The following SCAPER variants were observed in gnomAD, a reference collection of about 807,000 sequenced individuals.
The protein encoded by SCAPER is S-phase cyclin A associated protein in the ER.
SCAPER carries 98 observed loss-of-function variants against 182.2 expected under a neutral mutation model. The ratio of observed to expected loss-of-function variants is 0.54; its 90% CI spans 0.46 to 0.64. The LOEUF (loss-of-function observed/expected upper bound fraction) is 0.64, where lower values mean the gene tolerates loss of function less well. Ranked by LOEUF, SCAPER falls within the 30% of genes least tolerant of loss-of-function variation. SCAPER has a pLI of 0.00. For missense variants in SCAPER, 1,432 were observed against 1,690.0 expected, an observed-to-expected ratio of 0.85 and a Z score of 2.68; for synonymous variants, 605 against 564.6, an observed-to-expected ratio of 1.07 and a Z score of -1.01.
chr15:76,772,052 GAA>G, intron 9 of SCAPER, 98 bp from the exon 10 acceptor site: 1 of 648,094 alleles, frequency 1.5e-6, no homozygotes, highest in Non-Finnish European at 2.3e-6. Flanking sequence ...TAACTATGAA[GAA>G]GAAGAGGTAC....
chr15:76,826,107 G>A (rs979731218), intron 5 of SCAPER, among the ~76,000 whole-genome samples: 3 of 152,010 alleles, frequency 2.0e-5, no homozygotes, highest in Admixed American at 6.6e-5. Flanking sequence ...ATTTCAAATA[G>A]TTAAAAAAAT....
intron 22 of SCAPER, among the ~76,000 whole-genome samples, chr15:76,620,871 G>C (rs1175006438): frequency 6.6e-6 from 1 of 152,108 alleles, no homozygotes; most frequent in East Asian, 1.9e-4. Context: ...CAAGAGGAGG[G>C]AGAGCATCAA....
chr15:76,756,243 C>CAAAAAAAAAA (rs34158299), intron 14 of SCAPER, among the ~76,000 whole-genome samples: 2 of 66,000 alleles, frequency 3.0e-5, no homozygotes, highest in Admixed American at 1.6e-4. Context: ...GACTCCGTCT[C>CAAAAAAAAAA]AAAAAAAAAA....
At chr15:76,803,680 T>A (rs1382814121) in intron 6 of SCAPER, among the ~76,000 whole-genome samples, 1 of 152,214 alleles carries the variant, frequency 6.6e-6, no homozygotes, top group Non-Finnish European at 1.5e-5. Context: ...TGTCTTCACA[T>A]GGTGGAGGGG....
At chr15:76,503,883 T>C (rs1050431905) in intron 24 of SCAPER, among the ~76,000 whole-genome samples, 3 of 152,118 alleles carry the variant, frequency 2.0e-5, no homozygotes, top group Admixed American at 6.5e-5. Context: ...ATGAAGCATT[T>C]ACTTTTTTTT....
chr15:76,520,064 C>T (rs559667610), intron 23 of SCAPER, among the ~76,000 whole-genome samples: 2 of 152,140 alleles, frequency 1.3e-5, no homozygotes, highest in Non-Finnish European at 2.9e-5. Flanking sequence ...ATGTTACTTC[C>T]TCAAAGGGGC....
At chr15:76,602,700 A>G (rs1305871017) in intron 22 of SCAPER, among the ~76,000 whole-genome samples, 1 of 120,014 alleles carries the variant, frequency 8.3e-6, no homozygotes, top group African/African-American at 2.5e-5. Context: ...TGGTATCCCA[A>G]TTACATGTAC....
At chr15:76,781,099 G>A (rs779803965) in intron 8 of SCAPER, among the ~76,000 whole-genome samples, 48 of 152,246 alleles carry the variant, frequency 3.2e-4, no homozygotes, top group Admixed American at 1.0e-3. Flanking sequence ...CAAACTAAAG[G>A]AGCATGTTCT....
At chr15:76,577,616 C>T (rs1328579488) in intron 22 of SCAPER, among the ~76,000 whole-genome samples, 1 of 152,054 alleles carries the variant, frequency 6.6e-6, no homozygotes, top group Non-Finnish European at 1.5e-5. Flanking sequence ...GAATGGGCTA[C>T]CTTAAAGGGA....
intron 26 of SCAPER, among the ~76,000 whole-genome samples, chr15:76,421,338 T>C (rs1160606117): frequency 2.0e-5 from 3 of 152,228 alleles, no homozygotes; most frequent in African/African-American, 2.4e-5. Context: ...TGGTATCTCA[T>C]TGTGGTTTTG....
intron 5 of SCAPER, among the ~76,000 whole-genome samples, chr15:76,831,282 C>T (rs2068450884): frequency 1.3e-5 from 2 of 152,094 alleles, no homozygotes; most frequent in Non-Finnish European, 2.9e-5. Context: ...CTCCCATTTG[C>T]TGGCCTCTTT....
chr15:76,409,511 G>A (rs1222569140), intron 26 of SCAPER, among the ~76,000 whole-genome samples: 2 of 151,968 alleles, frequency 1.3e-5, no homozygotes, highest in Non-Finnish European at 2.9e-5. Context: ...GTGTGTGTGT[G>A]TGTGTGTATA....
intron 22 of SCAPER, among the ~76,000 whole-genome samples, chr15:76,620,466 T>C (rs940378670): frequency 5.9e-5 from 9 of 152,236 alleles, no homozygotes; most frequent in Non-Finnish European, 1.3e-4. Flanking sequence ...CTAATCTTGA[T>C]AATTTTCTTA....
At chr15:76,708,770 G>T (rs2059405071) in intron 17 of SCAPER, among the ~76,000 whole-genome samples, 1 of 152,092 alleles carries the variant, frequency 6.6e-6, no homozygotes, top group African/African-American at 2.4e-5. Context: ...CCAAAATTAA[G>T]AATGAAAAGA....
chr15:76,719,522 T>G (rs1170883648), intron 17 of SCAPER, among the ~76,000 whole-genome samples: 1 of 152,112 alleles, frequency 6.6e-6, no homozygotes, highest in Non-Finnish European at 1.5e-5. Context: ...TACTGGGATT[T>G]GTGATAAATG....
At chr15:76,512,008 G>A (rs1334930907) in intron 23 of SCAPER, among the ~76,000 whole-genome samples, 5 of 151,098 alleles carry the variant, frequency 3.3e-5, no homozygotes, top group Admixed American at 1.3e-4. Flanking sequence ...TCAGCCTCCC[G>A]GGTAGCTGGG....
At chr15:76,833,465 G>C (rs2068678688) in intron 5 of SCAPER, among the ~76,000 whole-genome samples, 1 of 152,066 alleles carries the variant, frequency 6.6e-6, no homozygotes, top group Admixed American at 6.6e-5. Flanking sequence ...GTCGACATAA[G>C]AATCAACCAG....
chr15:76,508,064 G>A (rs2041742294), intron 23 of SCAPER, among the ~76,000 whole-genome samples: 1 of 151,338 alleles, frequency 6.6e-6, no homozygotes, highest in Non-Finnish European at 1.5e-5. Context: ...GGTATCCCTT[G>A]TGCCCATCTT....
At position 76,428,866 on chromosome 15, in the gene SCAPER, C is replaced by CTATATATATA. The variant is rs375991391; in HGVS notation, c.3311+5202_3311+5211dup. 8.1e-3 allele frequency among the ~76,000 whole-genome samples: 650 copies of CTATATATATA among 79,864 alleles called. 23 individuals carry two copies. The highest frequency in any genetic ancestry group is 0.02 in the African/African-American group (367 of 18,250). 52.4% of individuals were successfully genotyped at this position (79,864 alleles called of 152,430 possible). On this transcript the variant is annotated intron_variant, in intron 26 of 31. Transcript: ENST00000563290. ...TAGGTATCCTGATCAGATCATTATA[C>CTATATATATA]TATATATATATATATATATATATAT...
Sources: gnomAD v4.1 joint callset for allele counts (sites outside exome capture counted in the v4.1 genomes callset) on GRCh38, gnomAD v4.1.1 for gene constraint, MANE v1.5 for transcripts, NCBI Gene and HGNC (gene_info 2026-07-23, HGNC 2026-07-21) for gene names.